ERMP1: variants seen among roughly 807,000 people sequenced by gnomAD.
The protein encoded by ERMP1 is Felix-ina.
ERMP1 carries 86 observed loss-of-function variants against 92.0 expected under a neutral mutation model. The observed-to-expected ratio is 0.93, with a 90% CI of 0.79 to 1.12. The LOEUF (loss-of-function observed/expected upper bound fraction) is 1.12. Ranked by LOEUF, ERMP1 falls within the 50% of genes most tolerant of loss-of-function variation. The pLI is 0.00. For synonymous variants in ERMP1, 530 were observed against 412.8 expected (o/e 1.28, Z -3.44); for missense variants, 1,342 against 1,116.3 (o/e 1.20, Z -2.88).
intron 1 of ERMP1, chr9:5,832,445 T>A: frequency 2.2e-6 from 1 of 451,730 alleles, no homozygotes; most frequent in East Asian, 3.6e-5. Flanking sequence ...GAAAGCAGGT[T>A]CAATCTACCT....
intron 6 of ERMP1, among the ~76,000 whole-genome samples, chr9:5,847,755 C>G (rs188452174): frequency 0.38 from 57,590 of 151,216 alleles, 11,129 homozygotes; most frequent in East Asian, 0.55. Context: ...ATTAGCCGGG[C>G]GTGGTGGCAG....
intron 2 of ERMP1, among the ~76,000 whole-genome samples, chr9:5,826,970 G>T (rs924256244): frequency 1.3e-5 from 2 of 152,112 alleles, no homozygotes; most frequent in Non-Finnish European, 2.9e-5. Flanking sequence ...AAGTTAAGAG[G>T]ACAGTATCTA....
intron 8 of ERMP1, among the ~76,000 whole-genome samples, chr9:5,806,569 T>C (rs868146200): frequency 2.6e-5 from 4 of 151,846 alleles, no homozygotes; most frequent in African/African-American, 9.7e-5. Context: ...ACTGGGACTA[T>C]AGGCACACAC....
chr9:5,858,934 A>C lies in ERMP1; in HGVS notation n.3199+534T>G, dbSNP rs545403734. Among the ~76,000 whole-genome samples the C allele has an allele frequency of 4.6e-5, 7 of 152,308 alleles. No individual in the cohort carries two copies. In the East Asian group the frequency reaches 1.4e-3, roughly 29 times the overall value. Reference sequence around the variant, plus strand: ...TTCCCCTCACTGAGGCTGGGAGTTCACCAAGTCCCTATATGCCTGGCTCTG... The same window carrying C: ...TTCCCCTCACTGAGGCTGGGAGTTCCCCAAGTCCCTATATGCCTGGCTCTG... On this transcript the variant is annotated intron_variant and non_coding_transcript_variant, in intron 6 of 6. Coordinates refer to the ERMP1 transcript ENST00000690753.
chr9:5,824,413 G>C (rs1386036909), intron 3 of ERMP1, among the ~76,000 whole-genome samples: 2 of 151,934 alleles, frequency 1.3e-5, no homozygotes, highest in Non-Finnish European at 2.9e-5. Context: ...CTCTTTTTTT[G>C]TTTGCTCATT....
intron 13 of ERMP1, among the ~76,000 whole-genome samples, chr9:5,793,656 T>C (rs1828296127): frequency 6.6e-6 from 1 of 152,122 alleles, no homozygotes; most frequent in East Asian, 1.9e-4. Context: ...ATATTAATTT[T>C]AGACAAAGCT....
In ERMP1 at chr9:5,823,860, A is replaced by G. The variant is rs558787784; in HGVS notation, c.874+36T>C. The G allele has an allele frequency of 6.3e-5, 88 of 1,389,578 alleles. 1 individual carries two copies. The South Asian group carries it at 9.4e-4, about 15-fold the overall frequency. The allele number at this position is 1,389,578 out of a possible 1,614,324, so 86.1% of individuals were successfully genotyped here. A position where few individuals can be genotyped will look rare whatever the true frequency, so the allele number is the denominator to read the frequency against. ...ACTTTCTACTTTTACAAAAACTAGA[A>G]TTGCATTAAAATATACAACGCACAA... On this transcript the variant is annotated intron_variant, in intron 4 of 14. Coordinates refer to ENST00000339450, the MANE Select transcript of ERMP1 (RefSeq NM_024896.3).
At position 5,833,095 on chromosome 9, in the gene ERMP1, C is replaced by T. The variant is rs1280279377; in HGVS notation, c.-68G>A. The T allele has an allele frequency of 1.7e-5, 22 of 1,325,774 alleles. No individual in the cohort carries two copies. Among genetic ancestry groups the T allele is most frequent in the Non-Finnish European group, 2.1e-5 (21 of 1,023,818 alleles). 82.1% of individuals were successfully genotyped at this position (1,325,774 alleles called of 1,614,324 possible). The stretch of plus-strand genomic sequence containing the variant: ...ACAGCCCCGGCCGCCGCCGACGCCG[C>T]CGTCGCTGCCGCAGCGCCTCCTAGT... On this transcript the variant is annotated 5_prime_UTR_variant, in exon 1 of 15. Coordinates refer to ENST00000339450, the MANE Select transcript of ERMP1 (RefSeq NM_024896.3).
At chr9:5,850,981 C>T (rs565239890) in intron 6 of ERMP1, among the ~76,000 whole-genome samples, 105 of 152,318 alleles carry the variant, frequency 6.9e-4, no homozygotes, top group Non-Finnish European at 1.1e-3. Context: ...ATTCAATCCC[C>T]CATCCAGGAA....
At chr9:5,861,153 C>T (rs1470863733) in intron 5 of ERMP1, among the ~76,000 whole-genome samples, 2 of 145,592 alleles carry the variant, frequency 1.4e-5, no homozygotes, top group Non-Finnish European at 3.0e-5. Flanking sequence ...AGGCAGTGAA[C>T]CCACAATGGC....
At chr9:5,853,493 C>G (rs1450600528) in intron 6 of ERMP1, among the ~76,000 whole-genome samples, 1 of 152,088 alleles carries the variant, frequency 6.6e-6, no homozygotes, top group African/African-American at 2.4e-5. Context: ...AAACTATGCT[C>G]TGTTGGTTAA....
chr9:5,855,880 A>G (rs962845994), intron 6 of ERMP1: 1 of 201,772 alleles, frequency 5.0e-6, no homozygotes, highest in African/African-American at 2.4e-5. Context: ...TGGTGGAGCA[A>G]GCCTGGGCTC....
At position 5,787,493 on chromosome 9, in the gene ERMP1, G is replaced by C. The variant is rs750938774; in HGVS notation, c.2487C>G (p.Asp829Glu). Residue 829 changes from aspartate to glutamate, a missense_variant, in exon 14 of 15, where the codon GAC becomes GAG. Physicochemically the swap from Asp to Glu is conservative, Grantham distance 45. Transcript: ENST00000339450. Reference protein sequence around the residue: ...NGTPVTSKGGDYFVFYSHGLQ... With the variant: ...NGTPVTSKGGEYFVFYSHGLQ... ...GTCCATGGGAGTAAAAGACAAAGTA[G>C]TCTCCTCCTTTACTTGTGACTGGGG... 22 of 1,614,156 alleles carry C rather than the reference G, an allele frequency of 1.4e-5. No homozygotes were observed. The highest frequency in any genetic ancestry group is 3.3e-5 in the South Asian group (3 of 91,066).
intron 6 of ERMP1, among the ~76,000 whole-genome samples, chr9:5,848,224 T>C (rs187299632): frequency 6.6e-6 from 1 of 152,264 alleles, no homozygotes; most frequent in African/African-American, 2.4e-5. Flanking sequence ...ATCCCAGTTA[T>C]CTGGGTGGGC....
At chr9:5,796,050 A>G (rs1015706690) in intron 13 of ERMP1, among the ~76,000 whole-genome samples, 5 of 152,230 alleles carry the variant, frequency 3.3e-5, no homozygotes, top group Admixed American at 2.0e-4. Flanking sequence ...AGAACTGATG[A>G]AAGAAATCAA....
chr9:5,837,990 G>C (rs1045806476), upstream of ERMP1, among the ~76,000 whole-genome samples: 6 of 152,062 alleles, frequency 3.9e-5, no homozygotes, highest in Non-Finnish European at 8.8e-5. Flanking sequence ...AGGAGGCTGA[G>C]GTGGGAGGCA....
intron 13 of ERMP1, among the ~76,000 whole-genome samples, chr9:5,791,489 A>G (rs899049214): frequency 2.0e-5 from 3 of 152,226 alleles, no homozygotes; most frequent in Non-Finnish European, 4.4e-5. Flanking sequence ...AGAAACATCT[A>G]GGATAGCATT....
chr9:5,815,713 G>GA (rs2131248441), intron 4 of ERMP1, among the ~76,000 whole-genome samples: 1 of 152,114 alleles, frequency 6.6e-6, no homozygotes, highest in Non-Finnish European at 1.5e-5. Context: ...TCACTAAGGG[G>GA]AAATCAGTAA....
Position 5,813,010 on chromosome 9 carries a change from T to C in ERMP1, c.900A>G (p.Gln300=). Residue 300 remains glutamine, a synonymous_variant, in exon 5 of 15, where the codon CAA becomes CAG. Coordinates refer to ENST00000339450, the MANE Select transcript of ERMP1 (RefSeq NM_024896.3). ...QTGPENPWLV[Q]AYVSAAKHPF... Reference sequence around the variant, plus strand: ...GGTGTTTAGCTGCTGAAACATAAGCTTGAACCAACCAAGGATTTTCAGGAC... The same window carrying C: ...GGTGTTTAGCTGCTGAAACATAAGCCTGAACCAACCAAGGATTTTCAGGAC... 2 of 1,614,020 alleles carry C rather than the reference T, an allele frequency of 1.2e-6. No individual in the cohort carries two copies. Among genetic ancestry groups the C allele is most frequent in the Non-Finnish European group, 1.7e-6 (2 of 1,179,924 alleles).
Sources: allele counts gnomAD v4.1 joint callset (sites outside exome capture counted in the v4.1 genomes callset), GRCh38; gene constraint gnomAD v4.1.1; transcripts MANE v1.5; gene names NCBI Gene and HGNC (gene_info 2026-07-23, HGNC 2026-07-21).